The following CPNE4 variants were observed in gnomAD, a reference collection of about 807,000 sequenced individuals.
CPNE4 encodes copine-4.
Under a neutral mutation model 67.9 loss-of-function variants are expected in CPNE4, and 25 were observed. That is an observed-to-expected ratio of 0.37 (90% CI 0.27 to 0.51). CPNE4 has a LOEUF of 0.51. CPNE4 is among the 20% of genes least tolerant of loss of function. The probability of loss-of-function intolerance (pLI) is 0.93; values close to 1 mark genes in which losing one functional copy is unlikely to be tolerated. For missense variants in CPNE4, 464 were observed against 690.8 expected, an observed-to-expected ratio of 0.67 and a Z score of 3.68; for synonymous variants, 242 against 244.9, an observed-to-expected ratio of 0.99 and a Z score of 0.11.
chr3:131,878,483 A>C (rs1474093202), intron 2 of CPNE4, among the ~76,000 whole-genome samples: 3 of 152,240 alleles, frequency 2.0e-5, no homozygotes, highest in Non-Finnish European at 4.4e-5. Context: ...GGCAGTAAAC[A>C]GAAGAGGCAA....
chr3:131,629,145 A>G (rs372431784), intron 7 of CPNE4, among the ~76,000 whole-genome samples: 2 of 152,076 alleles, frequency 1.3e-5, no homozygotes, highest in African/African-American at 2.4e-5. Context: ...TTCTGCCTTC[A>G]TTGAGACTTA....
intron 2 of CPNE4, among the ~76,000 whole-genome samples, chr3:131,865,034 C>G (rs1277317759): frequency 1.3e-5 from 2 of 152,130 alleles, no homozygotes; most frequent in Non-Finnish European, 2.9e-5. Context: ...TTGAACCAGC[C>G]TTGCATCCCA....
At chr3:131,703,523 T>C (rs2081352188) in intron 3 of CPNE4, among the ~76,000 whole-genome samples, 1 of 152,170 alleles carries the variant, frequency 6.6e-6, no homozygotes, top group Non-Finnish European at 1.5e-5. Flanking sequence ...AAGTGGACAA[T>C]GGCTTCTAAC....
chr3:131,760,715 C>T (rs1417575621), intron 2 of CPNE4, among the ~76,000 whole-genome samples: 2 of 152,198 alleles, frequency 1.3e-5, no homozygotes, highest in Non-Finnish European at 2.9e-5. Context: ...CTCATTTGCA[C>T]TCCATGAGTA....
chr3:132,016,171 TACACCCTG>T (rs2073885960), intron 1 of CPNE4, among the ~76,000 whole-genome samples: 1 of 152,200 alleles, frequency 6.6e-6, no homozygotes, highest in Admixed American at 6.5e-5. Flanking sequence ...CGCCACGTAT[TACACCCTG>T]GATTGAACTC....
intron 2 of CPNE4, among the ~76,000 whole-genome samples, chr3:131,858,899 C>T (rs1480535773): frequency 6.6e-6 from 1 of 152,110 alleles, no homozygotes; most frequent in East Asian, 1.9e-4. Context: ...CCCTCTTAAG[C>T]AGTGCTTTTA....
At chr3:131,984,814 A>C (rs1460067844) in intron 1 of CPNE4, among the ~76,000 whole-genome samples, 1 of 152,152 alleles carries the variant, frequency 6.6e-6, no homozygotes, top group Non-Finnish European at 1.5e-5. Context: ...GATACCTCTG[A>C]GGTCTATCTT....
intron 7 of CPNE4, among the ~76,000 whole-genome samples, chr3:131,602,901 A>G (rs1300551431): frequency 2.6e-5 from 4 of 152,278 alleles, no homozygotes; most frequent in African/African-American, 9.6e-5. Context: ...TATGAACACA[A>G]TTCCTAGTTA....
At chr3:131,609,176 C>A (rs575712511) in intron 7 of CPNE4, among the ~76,000 whole-genome samples, 13 of 152,286 alleles carry the variant, frequency 8.5e-5, no homozygotes, top group Admixed American at 7.2e-4. Flanking sequence ...CGTAAGCTAG[C>A]TCCATGGGGC....
intron 7 of CPNE4, among the ~76,000 whole-genome samples, chr3:131,628,991 T>C (rs2079152079): frequency 1.3e-5 from 2 of 152,240 alleles, no homozygotes; most frequent in African/African-American, 4.8e-5. Flanking sequence ...ATTGCGATGT[T>C]AGGGTGTCAA....
At chr3:131,712,867 C>T (rs772243009) in intron 3 of CPNE4, among the ~76,000 whole-genome samples, 4 of 152,164 alleles carry the variant, frequency 2.6e-5, no homozygotes, top group African/African-American at 4.8e-5. Flanking sequence ...ATGGAGATAG[C>T]GATCTAAATT....
intron 2 of CPNE4, among the ~76,000 whole-genome samples, chr3:131,778,885 A>G (rs1257899531): frequency 2.6e-5 from 4 of 152,258 alleles, no homozygotes; most frequent in South Asian, 4.1e-4. Flanking sequence ...GGAAGAGAGG[A>G]AGTCAAACTA....
intron 15 of CPNE4, among the ~76,000 whole-genome samples, chr3:131,539,092 G>A (rs569390657): frequency 6.6e-6 from 1 of 152,310 alleles, no homozygotes; most frequent in South Asian, 2.1e-4. Flanking sequence ...GATTTAAGCT[G>A]CTACCTTCCC....
At position 131,628,511 on chromosome 3, in the gene CPNE4, T is replaced by G. The variant is rs1030820389; in HGVS notation, c.682-40929A>C. Among the ~76,000 whole-genome samples, 4 of 152,420 alleles carry G rather than the reference T, an allele frequency of 2.6e-5. No individual in the cohort carries two copies. In the South Asian group the frequency reaches 8.3e-4, roughly 32 times the overall value. On this transcript the variant is annotated intron_variant, in intron 7 of 15. Transcript: ENST00000429747. ...TTGTACCTCTGGTAGAATTTGGCTC[T>G]GAATCTGTCTGGTCCTGGACTTTTT...
At chr3:132,036,911 T>A (rs2074349480), upstream of CPNE4, among the ~76,000 whole-genome samples, 2 of 152,204 alleles carry the variant, frequency 1.3e-5, no homozygotes, top group South Asian at 2.1e-4. Context: ...GCACTCTACT[T>A]ACCATCCCAT....
intron 1 of CPNE4, among the ~76,000 whole-genome samples, chr3:131,942,682 A>G (rs780117615): frequency 5.3e-5 from 8 of 152,042 alleles, no homozygotes; most frequent in Non-Finnish European, 8.8e-5. Flanking sequence ...ATTGCCCTGG[A>G]ATCTTTTCTT....
At chr3:132,035,112 G>C, upstream of CPNE4, 1 of 965,686 alleles carries the variant, frequency 1.0e-6, no homozygotes, top group Non-Finnish European at 1.2e-6. Flanking sequence ...ATTGCCCCGG[G>C]AACCCGAGCT....
At chr3:132,017,321 GAGA>G (rs1342864246) in intron 1 of CPNE4, 2 of 151,566 alleles carry the variant, frequency 1.3e-5, no homozygotes, top group African/African-American at 4.9e-5. Context: ...AAGAGAAGGA[GAGA>G]AGAATAGAAG....
chr3:131,788,303 T>A (rs2083620077), intron 2 of CPNE4, among the ~76,000 whole-genome samples: 1 of 152,082 alleles, frequency 6.6e-6, no homozygotes, highest in Admixed American at 6.6e-5. Flanking sequence ...AAGTTATGCA[T>A]GCTGATTAAT....
Sources: allele counts gnomAD v4.1 joint callset (sites outside exome capture counted in the v4.1 genomes callset), GRCh38; gene constraint gnomAD v4.1.1; transcripts MANE v1.5; gene names NCBI Gene and HGNC (gene_info 2026-07-23, HGNC 2026-07-21).